Variants in TENM2 observed in about 807,000 individuals in gnomAD.
The protein encoded by TENM2 is teneurin transmembrane protein 2.
In TENM2, 52 loss-of-function variants were observed where a neutral mutation model predicts 245.2. That is an observed-to-expected ratio of 0.21 (90% CI 0.17 to 0.27). TENM2 has a LOEUF of 0.27. Ranked by LOEUF, TENM2 falls within the 10% of genes least tolerant of loss-of-function variation. The probability of loss-of-function intolerance (pLI) is 1.00; values close to 1 mark genes in which losing one functional copy is unlikely to be tolerated. For synonymous variants in TENM2, 1,363 were observed against 1,438.9 expected, an observed-to-expected ratio of 0.95 and a Z score of 1.19; for missense variants, 3,046 against 3,666.8, an observed-to-expected ratio of 0.83 and a Z score of 4.37.
rs755945223 is a variant in TENM2, at chr5:168,218,936, A to G, written c.5045A>G (p.Tyr1682Cys). Residue 1682 changes from tyrosine (Y) to cysteine (C), a missense_variant, in exon 23 of 29, where the codon TAT (tyrosine) becomes TGT (cysteine). By Grantham distance (194) the Tyr-to-Cys change is radical (BLOSUM62 -2). Around this residue, in one of 2 missense-constraint regions of TENM2, gnomAD observed 2,704 missense variants for 3,331.9 expected, o/e 0.81. Coordinates refer to ENST00000518659, the Ensembl canonical transcript of TENM2. This position sits in a 1 kb window ranked among gnomAD's most constrained non-coding sequence, Gnocchi z 5.2. ...AACCTGGAGCTTGGTCTCATGACCT[A>G]TGATGGCAACACTGGGCTCCTGGCC... 1 of 1,614,036 alleles carries G rather than the reference A, an allele frequency of 6.2e-7. No homozygotes were observed. Among genetic ancestry groups the G allele is most frequent in the South Asian group, 1.1e-5 (1 of 91,070 alleles).
chr5:167,610,592 TATATC>T (rs910057550), intron 2 of TENM2, among the ~76,000 whole-genome samples: 1 of 152,196 alleles, frequency 6.6e-6, no homozygotes, highest in African/African-American at 2.4e-5. Context: ...TATTACTTCT[TATATC>T]ATATCACAGG....
intron 2 of TENM2, among the ~76,000 whole-genome samples, chr5:167,441,583 C>G (rs1764885431): frequency 6.6e-6 from 1 of 151,508 alleles, no homozygotes; most frequent in African/African-American, 2.4e-5. Context: ...TGGGGAAAAT[C>G]AATTGCAAAG....
chr5:167,465,478 A>C (rs1267594507), intron 2 of TENM2, among the ~76,000 whole-genome samples: 1 of 152,152 alleles, frequency 6.6e-6, no homozygotes, highest in Non-Finnish European at 1.5e-5. Flanking sequence ...GGGACTCTCT[A>C]TCCATCCTAT....
At chr5:167,875,860 T>G in intron 2 of TENM2, 126 bp from the exon 5 acceptor site, 1 of 660,580 alleles carries the variant, frequency 1.5e-6, no homozygotes, top group Non-Finnish European at 2.6e-6. Flanking sequence ...AAAGCACATC[T>G]GGAGCAGTTC....
the TENM2 span, among the ~76,000 whole-genome samples, chr5:167,071,143 A>G: frequency 6.6e-6 from 1 of 152,170 alleles, no homozygotes; most frequent in Non-Finnish European, 1.5e-5. Context: ...ATAAATTTGT[A>G]CTATTCCTAA....
intron 2 of TENM2, among the ~76,000 whole-genome samples, chr5:167,508,457 A>G (rs1769705710): frequency 6.6e-6 from 1 of 152,200 alleles, no homozygotes; most frequent in African/African-American, 2.4e-5. Context: ...CAGCTCAATT[A>G]AATTATAAAC....
chr5:167,460,673 GC>G (rs1766242705), intron 2 of TENM2, among the ~76,000 whole-genome samples: 1 of 151,658 alleles, frequency 6.6e-6, no homozygotes, highest in Non-Finnish European at 1.5e-5. Flanking sequence ...GAGAGTTTCA[GC>G]TGTATAACTA....
rs147826039 is a variant in TENM2 at position 168,112,022 on chromosome 5, G to C, written c.1814-6270G>C. Among the ~76,000 whole-genome samples, 351 of 152,212 alleles carry C rather than the reference G, an allele frequency of 2.3e-3. 2 individuals carry two copies. The highest frequency in any genetic ancestry group is 0.017 in the Middle Eastern group (5 of 294). ...AAAATATTTCTTCCCAGAGTTGCTTGTCCCTTAATTTTGCTTAGGGTATCC... is the reference window on the plus strand; with the variant it reads ...AAAATATTTCTTCCCAGAGTTGCTTCTCCCTTAATTTTGCTTAGGGTATCC... On this transcript the variant is annotated intron_variant, in intron 9 of 28. Coordinates refer to ENST00000518659, the Ensembl canonical transcript of TENM2.
At chr5:167,468,191 C>G (rs1031836036) in intron 2 of TENM2, among the ~76,000 whole-genome samples, 1 of 152,204 alleles carries the variant, frequency 6.6e-6, no homozygotes, top group Non-Finnish European at 1.5e-5. Flanking sequence ...CCTTCCTCGA[C>G]CTCCCAGAGT....
At chr5:168,029,111 G>A (rs1215546028) in intron 5 of TENM2, among the ~76,000 whole-genome samples, 2 of 152,142 alleles carry the variant, frequency 1.3e-5, no homozygotes, top group Admixed American at 1.3e-4. Flanking sequence ...TCGATTTCTG[G>A]TTCCTAGATG....
chr5:167,155,564 T>C, the TENM2 span, among the ~76,000 whole-genome samples: 1 of 152,150 alleles, frequency 6.6e-6, no homozygotes, highest in South Asian at 2.1e-4. Flanking sequence ...CTGCTCTAAG[T>C]CTGTGACCGC....
chr5:168,213,881 T>G (rs1253858953), intron 20 of TENM2, among the ~76,000 whole-genome samples: 3 of 152,202 alleles, frequency 2.0e-5, no homozygotes, highest in African/African-American at 7.2e-5. Context: ...TTTCAAAACC[T>G]AGTCTACCAC....
At chr5:168,165,846 A>G (rs1347565986) in intron 13 of TENM2, 1 of 151,426 alleles carries the variant, frequency 6.6e-6, no homozygotes, top group African/African-American at 2.4e-5. Context: ...AGAAACTCCC[A>G]GTTAATTCAG....
chr5:167,354,800 C>T (rs1007742177), intron 1 of TENM2, among the ~76,000 whole-genome samples: 1 of 152,036 alleles, frequency 6.6e-6, no homozygotes, highest in African/African-American at 2.4e-5. Context: ...ACATAACACA[C>T]GATCAATAAA....
chr5:168,260,787 C>G (rs1768114625), intron 28 of TENM2, among the ~76,000 whole-genome samples: 1 of 152,180 alleles, frequency 6.6e-6, no homozygotes, highest in African/African-American at 2.4e-5. Context: ...TTTGCAGTTT[C>G]TGTCCCATTA....
chr5:168,002,532 GC>G (rs796894482), intron 5 of TENM2, among the ~76,000 whole-genome samples: 16 of 152,294 alleles, frequency 1.1e-4, no homozygotes, highest in African/African-American at 3.8e-4. Context: ...AGTTCAGTGT[GC>G]CTTTGAATTA....
intron 2 of TENM2, among the ~76,000 whole-genome samples, chr5:167,853,362 C>G (rs1770784492): frequency 7.7e-6 from 1 of 130,572 alleles, no homozygotes; most frequent in Non-Finnish European, 1.6e-5. Flanking sequence ...TTAAAAATAA[C>G]ATGGCACTAA....
the TENM2 span, among the ~76,000 whole-genome samples, chr5:167,006,606 T>A: frequency 3.9e-5 from 6 of 152,220 alleles, no homozygotes; most frequent in Non-Finnish European, 5.9e-5. Context: ...TATGATATAT[T>A]TAACTGTGAT....
chr5:167,104,646 G>A, the TENM2 span, among the ~76,000 whole-genome samples: 3 of 152,154 alleles, frequency 2.0e-5, no homozygotes, highest in Non-Finnish European at 4.4e-5. Flanking sequence ...TGATTACAGT[G>A]TAAACTGAAT....
Sources: gnomAD v4.1 joint callset for allele counts (sites outside exome capture counted in the v4.1 genomes callset) on GRCh38, gnomAD v4.1.1 for gene constraint, gnomAD v4.1.1 regional missense constraint, Gnocchi (gnomAD v3.1) non-coding constraint, MANE v1.5 for transcripts, NCBI Gene and HGNC (gene_info 2026-07-23, HGNC 2026-07-21) for gene names.